MARK2: variants seen among roughly 807,000 people sequenced by gnomAD.
The protein encoded by MARK2 is microtubule affinity regulating kinase 2, also known as serine/threonine-protein kinase MARK2.
In MARK2, 16 loss-of-function variants were observed where a neutral mutation model predicts 89.8. The ratio of observed to expected loss-of-function variants is 0.18; its 90% CI spans 0.12 to 0.27. MARK2 has a LOEUF of 0.27. MARK2 is among the 10% of genes least tolerant of loss of function. MARK2 has a pLI of 1.00. For missense variants in MARK2, 621 were observed against 1,049.9 expected (o/e 0.59, Z 5.65); for synonymous variants, 382 against 399.5 (o/e 0.96, Z 0.52).
At chr11:63,851,816 G>GC (rs763906901) in intron 1 of MARK2, among the ~76,000 whole-genome samples, 2 of 151,986 alleles carry the variant, frequency 1.3e-5, no homozygotes, top group Non-Finnish European at 2.9e-5. Context: ...GTAAAGCCAG[G>GC]CTTGGCAACT....
chr11:63,874,731 C>T (rs1303182705), intron 1 of MARK2, among the ~76,000 whole-genome samples: 1 of 152,126 alleles, frequency 6.6e-6, no homozygotes, highest in Non-Finnish European at 1.5e-5. Flanking sequence ...CAGAACTTGT[C>T]GGCCCAGCTC....
At chr11:63,862,578 G>A (rs1341853808) in intron 1 of MARK2, among the ~76,000 whole-genome samples, 1 of 150,920 alleles carries the variant, frequency 6.6e-6, no homozygotes, top group Non-Finnish European at 1.5e-5. Flanking sequence ...AGCTTTCTGG[G>A]CTCACCTCCC....
chr11:63,856,309 T>A (rs757682249), intron 1 of MARK2, among the ~76,000 whole-genome samples: 1,344 of 77,908 alleles, frequency 0.017, 12 homozygotes, highest in Admixed American at 0.032. Context: ...GCCCTGTGGG[T>A]TTTTTTTTTT....
intron 1 of MARK2, among the ~76,000 whole-genome samples, chr11:63,841,360 G>A (rs912421606): frequency 6.6e-6 from 1 of 152,128 alleles, no homozygotes; most frequent in Admixed American, 6.5e-5. Flanking sequence ...ATTTGCTTCT[G>A]GGGGTGAAAT....
In MARK2 at chr11:63,900,917, G is replaced by C. The variant is rs752921458; in HGVS notation, c.988+38G>C. 3 of 1,611,386 alleles carry C rather than the reference G, an allele frequency of 1.9e-6. No individual in the cohort carries two copies. The Admixed American group carries it at 5.0e-5, about 27-fold the overall frequency. ...CGGGCTGTGAGGTTAAGCTTGCCTA[G>C]GAGTTGAGGCCAGTCTTAACTGTAT... On this transcript the variant is annotated intron_variant, in intron 10 of 18. Coordinates refer to ENST00000402010, the MANE Select transcript of MARK2 (RefSeq NM_001039469.3). This position sits in a 1 kb window ranked among gnomAD's most constrained non-coding sequence, Gnocchi z 4.7.
chr11:63,888,426 CCT>C (rs920912171), intron 1 of MARK2: 3 of 650,104 alleles, frequency 4.6e-6, no homozygotes, highest in Non-Finnish European at 5.8e-6. Flanking sequence ...GTCTCCTCGA[CCT>C]CTCGCCAGCT....
intron 1 of MARK2, among the ~76,000 whole-genome samples, chr11:63,879,855 TA>T (rs1565118239): frequency 1.3e-5 from 2 of 152,114 alleles, no homozygotes; most frequent in Admixed American, 1.3e-4. Context: ...TCCTCCTCCT[TA>T]TTCAACTCCC....
At chr11:63,875,471 C>T (rs935497196) in intron 1 of MARK2, among the ~76,000 whole-genome samples, 45 of 152,216 alleles carry the variant, frequency 3.0e-4, no homozygotes, top group Middle Eastern at 3.4e-3. Context: ...AGGCTGGTCT[C>T]GAACTCCTTG....
chr11:63,863,188 T>C (rs1313535055), intron 1 of MARK2, among the ~76,000 whole-genome samples: 1 of 152,164 alleles, frequency 6.6e-6, no homozygotes, highest in African/African-American at 2.4e-5. Context: ...GCTCAGTCTC[T>C]CCTTTGGTTT....
In MARK2 at chr11:63,902,092, G is replaced by A; in HGVS notation, c.1102-106G>A. On this transcript the variant is annotated intron_variant, in intron 11 of 18. Coordinates refer to ENST00000402010, the MANE Select transcript of MARK2 (RefSeq NM_001039469.3). The surrounding 1 kb of genome is among the most constrained non-coding windows in gnomAD (Gnocchi z 4.2). ...ACAAGTGGATGTCCGGTATGATCCT[G>A]GGGTGTTTGAGTGTTGGGAGAGGGC... 1.6e-6 allele frequency: 2 copies of A among 1,237,312 alleles called. No homozygotes were observed. Among genetic ancestry groups the A allele is most frequent in the South Asian group, 2.8e-5 (2 of 72,364 alleles). The allele number at this position is 1,237,312 out of a possible 1,614,324, so 76.6% of individuals were successfully genotyped here. A position where few individuals can be genotyped will look rare whatever the true frequency, so the allele number is the denominator to read the frequency against.
chr11:63,840,909 T>C (rs2015981377), intron 1 of MARK2, among the ~76,000 whole-genome samples: 1 of 152,162 alleles, frequency 6.6e-6, no homozygotes, highest in African/African-American at 2.4e-5. Context: ...TTCTGTGTCA[T>C]CTCACTTTTG....
Position 63,909,550 on chromosome 11 carries a change from T to A in MARK2, c.*313T>A. 1 of 230,580 alleles carries A rather than the reference T, an allele frequency of 4.3e-6. No homozygotes were observed. The highest frequency in any genetic ancestry group is 8.4e-6 in the Non-Finnish European group (1 of 119,482). The allele number at this position is 230,580 out of a possible 1,614,324, so 14.3% of individuals were successfully genotyped here. On this transcript the variant is annotated 3_prime_UTR_variant, in exon 19 of 19. Transcript: ENST00000402010. ...CTGCGGTTGCACAGAGTATTTCGCC[T>A]AAACCAAGAAATTTTTTATTACCAA...
chr11:63,877,179 G>A (rs1200619376), intron 1 of MARK2, among the ~76,000 whole-genome samples: 2 of 136,850 alleles, frequency 1.5e-5, no homozygotes, highest in East Asian at 2.3e-4. Flanking sequence ...GCATGATTTC[G>A]GCTCACTGCA....
At chr11:63,871,587 CTGTG>C (rs1008980630) in intron 1 of MARK2, among the ~76,000 whole-genome samples, 1 of 148,058 alleles carries the variant, frequency 6.8e-6, no homozygotes, top group African/African-American at 2.5e-5. Context: ...AGAGTATTCA[CTGTG>C]TGCACGTGTG....
rs755195114 is a variant in MARK2 at position 63,902,257 on chromosome 11, C to T, written c.1161C>T (p.Ser387=). ...PRPSADLTNS[S]APSPSHKVQR... ...CTTCAGCTGATCTGACCAATAGCAGCGCCCCATCCCCATCCCACAAGGTAC... is the reference window on the plus strand; with the variant it reads ...CTTCAGCTGATCTGACCAATAGCAGTGCCCCATCCCCATCCCACAAGGTAC... The change falls in exon 12 of 19, where the codon AGC becomes AGT. Residue 387 remains serine (S), a synonymous_variant. Transcript: ENST00000402010. The surrounding 1 kb of genome is among the most constrained non-coding windows in gnomAD (Gnocchi z 4.2). The T allele has an allele frequency of 2.3e-5, 37 of 1,614,020 alleles. No individual in the cohort carries two copies. The highest frequency in any genetic ancestry group is 3.0e-5 in the Non-Finnish European group (35 of 1,180,024).
At chr11:63,839,805 C>T (rs1287917870) in intron 1 of MARK2, among the ~76,000 whole-genome samples, 1 of 152,116 alleles carries the variant, frequency 6.6e-6, no homozygotes, top group Non-Finnish European at 1.5e-5. Context: ...TCACCGCCCT[C>T]CTGCGCTCTT....
At chr11:63,869,199 C>G (rs1938306546) in intron 1 of MARK2, 1 of 202,968 alleles carries the variant, frequency 4.9e-6, no homozygotes, top group Non-Finnish European at 1.0e-5. Flanking sequence ...ATCTGCCTCC[C>G]TGCTCCCCCC....
Position 63,902,361 on chromosome 11 carries a change from C to T in MARK2, c.1234+31C>T, listed in dbSNP as rs143105360. On this transcript the variant is annotated intron_variant, in intron 12 of 18. Coordinates refer to ENST00000402010, the MANE Select transcript of MARK2 (RefSeq NM_001039469.3). The surrounding 1 kb of genome is among the most constrained non-coding windows in gnomAD (Gnocchi z 4.2). The stretch of plus-strand genomic sequence containing the variant: ...TGCTTTTGGGAGTTGTAGGTGGGGA[C>T]TCACCCCTCTCCAGAGAGGTTACAG... 1.2e-6 allele frequency: 2 copies of T among 1,612,970 alleles called. No homozygotes were observed. The highest frequency in any genetic ancestry group is 1.3e-5 in the African/African-American group (1 of 74,898).
chr11:63,856,453 T>TA (rs2016855273), intron 1 of MARK2, among the ~76,000 whole-genome samples: 1 of 151,504 alleles, frequency 6.6e-6, no homozygotes, highest in South Asian at 2.1e-4. Context: ...AACAGAGTCT[T>TA]ACTCTGTTGC....
Sources: gnomAD v4.1 joint callset for allele counts (sites outside exome capture counted in the v4.1 genomes callset) on GRCh38, gnomAD v4.1.1 for gene constraint, Gnocchi (gnomAD v3.1) non-coding constraint, MANE v1.5 for transcripts, NCBI Gene and HGNC (gene_info 2026-07-23, HGNC 2026-07-21) for gene names.